Variants in PRKN observed in about 807,000 individuals in gnomAD.
PRKN encodes the protein E3 ubiquitin-protein ligase parkin.
Under a neutral mutation model 59.5 loss-of-function variants are expected in PRKN, and 56 were observed. The ratio of observed to expected loss-of-function variants is 0.94; its 90% confidence interval spans 0.76 to 1.18. The LOEUF (loss-of-function observed/expected upper bound fraction) is 1.18. Among genes scored for constraint, PRKN ranks in the 50% most tolerant of loss-of-function variants. The probability of loss-of-function intolerance (pLI) is 0.00; values close to 1 mark genes in which losing one functional copy is unlikely to be tolerated. For synonymous variants in PRKN, 250 were observed against 222.1 expected (o/e 1.13, Z -1.12); for missense variants, 657 against 596.4 (o/e 1.10, Z -1.06).
chr6:162,023,691 G>A (rs1274333215), intron 5 of PRKN, among the ~76,000 whole-genome samples: 1 of 152,036 alleles, frequency 6.6e-6, no homozygotes, highest in African/African-American at 2.4e-5. Context: ...GGGGTGTGGC[G>A]GACCAGGGTG....
chr6:162,105,634 A>G (rs536808168), intron 4 of PRKN, among the ~76,000 whole-genome samples: 10 of 152,136 alleles, frequency 6.6e-5, no homozygotes, highest in Non-Finnish European at 1.2e-4. Flanking sequence ...TCCTGACCTC[A>G]CGTGATCCAC....
At chr6:162,021,164 A>C (rs1783160025) in intron 5 of PRKN, among the ~76,000 whole-genome samples, 1 of 32,008 alleles carries the variant, frequency 3.1e-5, no homozygotes, top group African/African-American at 9.0e-5. Context: ...ATATATATAT[A>C]TAAAATATAT....
At chr6:161,802,725 A>G (rs886678685) in intron 6 of PRKN, among the ~76,000 whole-genome samples, 1 of 152,068 alleles carries the variant, frequency 6.6e-6, no homozygotes, top group Non-Finnish European at 1.5e-5. Flanking sequence ...CTTTGTCTCC[A>G]TAACATCAAT....
intron 9 of PRKN, among the ~76,000 whole-genome samples, chr6:161,439,625 G>A (rs796409659): frequency 2.6e-5 from 4 of 152,058 alleles, no homozygotes; most frequent in African/African-American, 4.8e-5. Flanking sequence ...AGATCTCCGA[G>A]CGATTCCATC....
chr6:161,915,523 T>C (rs933127525), intron 6 of PRKN, among the ~76,000 whole-genome samples: 1 of 152,226 alleles, frequency 6.6e-6, no homozygotes, highest in African/African-American at 2.4e-5. Flanking sequence ...GTGGTAGGAT[T>C]GTTCATCTCT....
chr6:162,098,674 T>C (rs1424102425), intron 4 of PRKN, among the ~76,000 whole-genome samples: 1 of 152,236 alleles, frequency 6.6e-6, no homozygotes, highest in African/African-American at 2.4e-5. Context: ...ATTTTACTCT[T>C]AATCTAAAAT....
intron 3 of PRKN, among the ~76,000 whole-genome samples, chr6:162,218,256 T>C (rs970228085): frequency 1.5e-4 from 23 of 152,236 alleles, no homozygotes; most frequent in African/African-American, 4.3e-4. Context: ...GCAGGAATGA[T>C]GGTGGTGGCT....
intron 7 of PRKN, among the ~76,000 whole-genome samples, chr6:161,737,463 G>A (rs12526947): frequency 0.27 from 40,742 of 152,070 alleles, 5,564 homozygotes; most frequent in Admixed American, 0.33. Flanking sequence ...TTTAACAAGG[G>A]AAATAAAGTG....
At chr6:162,630,384 T>C (rs564551096) in intron 1 of PRKN, among the ~76,000 whole-genome samples, 313 of 152,274 alleles carry the variant, frequency 2.1e-3, no homozygotes, top group African/African-American at 7.2e-3. Flanking sequence ...GCTAATGGAA[T>C]TTAGTAATTA....
At chr6:161,919,219 T>C (rs1182289136) in intron 6 of PRKN, among the ~76,000 whole-genome samples, 4 of 151,996 alleles carry the variant, frequency 2.6e-5, no homozygotes, top group African/African-American at 9.7e-5. Flanking sequence ...TTGAGAAAAA[T>C]CTCAAAATTA....
intron 1 of PRKN, among the ~76,000 whole-genome samples, chr6:162,548,417 T>C (rs1425107269): frequency 6.6e-6 from 1 of 152,180 alleles, no homozygotes; most frequent in African/African-American, 2.4e-5. Flanking sequence ...GGTTTCTGCC[T>C]ATATTTCCTG....
intron 2 of PRKN, among the ~76,000 whole-genome samples, chr6:162,309,585 C>T (rs1159059657): frequency 6.6e-6 from 1 of 152,100 alleles, no homozygotes; most frequent in Admixed American, 6.5e-5. Flanking sequence ...GAGCTGATTT[C>T]GATTGTGCAC....
chr6:162,500,043 T>C (rs1793286878), intron 1 of PRKN, among the ~76,000 whole-genome samples: 1 of 152,182 alleles, frequency 6.6e-6, no homozygotes, highest in African/African-American at 2.4e-5. Context: ...AGCCATCCAA[T>C]GGTTCATGGC....
intron 3 of PRKN, among the ~76,000 whole-genome samples, chr6:162,246,722 G>A (rs1338982272): frequency 6.6e-6 from 1 of 152,130 alleles, no homozygotes; most frequent in Admixed American, 6.5e-5. Flanking sequence ...GGTTTCCCAG[G>A]AAAAGCGTAC....
chr6:162,012,027 A>G (rs1782746849), intron 5 of PRKN, among the ~76,000 whole-genome samples: 2 of 152,086 alleles, frequency 1.3e-5, no homozygotes, highest in South Asian at 2.1e-4. Flanking sequence ...TTTAATAATG[A>G]CACGCAAAAT....
chr6:161,769,730 A>G (rs1019926266), intron 7 of PRKN, among the ~76,000 whole-genome samples: 3 of 152,122 alleles, frequency 2.0e-5, no homozygotes, highest in African/African-American at 7.2e-5. Context: ...TGCCAGCTGG[A>G]TCTTGGATGT....
chr6:162,552,820 G>GA (rs1488618964), intron 1 of PRKN, among the ~76,000 whole-genome samples: 1 of 152,110 alleles, frequency 6.6e-6, no homozygotes, highest in East Asian at 1.9e-4. Context: ...TCAACCTTCA[G>GA]AAGTTGTTCA....
chr6:161,618,989 G>A (rs1267661483), intron 7 of PRKN, among the ~76,000 whole-genome samples: 1 of 152,174 alleles, frequency 6.6e-6, no homozygotes, highest in Non-Finnish European at 1.5e-5. Context: ...ATAGAAAAAT[G>A]AGCCACAGTA....
chr6:162,434,966 A>G (rs572631303), intron 2 of PRKN, among the ~76,000 whole-genome samples: 1 of 152,338 alleles, frequency 6.6e-6, no homozygotes, highest in Non-Finnish European at 1.5e-5. Flanking sequence ...TATAGACACA[A>G]CCTCTCATTT....
Sources: allele counts gnomAD v4.1 joint callset (sites outside exome capture counted in the v4.1 genomes callset), GRCh38; gene constraint gnomAD v4.1.1; transcripts MANE v1.5; gene names NCBI Gene and HGNC (gene_info 2026-07-23, HGNC 2026-07-21).